Variants in PANK2 observed in about 807,000 individuals in gnomAD.
PANK2 encodes pantothenate kinase 2, mitochondrial.
In PANK2, 36 loss-of-function variants were observed where a neutral mutation model predicts 43.1. The ratio of observed to expected loss-of-function variants is 0.84; its 90% CI spans 0.64 to 1.10. The LOEUF is 1.10. Ranked by LOEUF, PANK2 falls within the 50% of genes least tolerant of loss-of-function variation. PANK2 has a pLI of 0.00. For missense variants in PANK2, 576 were observed against 593.3 expected (o/e 0.97, Z 0.30); for synonymous variants, 281 against 238.2 (o/e 1.18, Z -1.66).
At chr20:3,903,549 C>G (rs1195431296) in intron 1 of PANK2, among the ~76,000 whole-genome samples, 2 of 149,156 alleles carry the variant, frequency 1.3e-5, no homozygotes, top group African/African-American at 5.0e-5. Flanking sequence ...TAACTGTAAC[C>G]TCTGCCTCCT....
In PANK2 at chr20:3,911,006, A is replaced by G. The variant is rs567946404; in HGVS notation, c.905+176A>G. ...TATGACCTAGTTTTCTTTAATCTCTACTGTTCAAGATTTATTATCCTAGGT... is the reference window on the plus strand; with the variant it reads ...TATGACCTAGTTTTCTTTAATCTCTGCTGTTCAAGATTTATTATCCTAGGT... On this transcript the variant is annotated intron_variant, in intron 3 of 6. Coordinates refer to ENST00000610179, the MANE Select transcript of PANK2 (RefSeq NM_001386393.1). Among the ~76,000 whole-genome samples the G allele has an allele frequency of 1.7e-3, 260 of 152,296 alleles. 1 individual carries two copies. Among genetic ancestry groups the G allele is most frequent in the South Asian group, 6.0e-3 (29 of 4,828 alleles).
rs1417433388 is a variant in PANK2 at position 3,912,642 on chromosome 20, G to GGC, written c.1082+9_1082+10dup. On this transcript the variant is annotated intron_variant, in intron 4 of 6. Coordinates refer to ENST00000610179, the MANE Select transcript of PANK2 (RefSeq NM_001386393.1). ...CTGGGCTGTGGCTTCAAGGTAAGGG[G>GGC]GCATGTGTGTTCTAAGAAATACAGG... 6.2e-7 allele frequency: 1 copy of GGC among 1,613,400 alleles called. No individual in the cohort carries two copies. The highest frequency in any genetic ancestry group is 1.3e-5 in the African/African-American group (1 of 74,846).
chr20:3,911,201 G>A (rs1019456457), intron 3 of PANK2, among the ~76,000 whole-genome samples: 2 of 152,214 alleles, frequency 1.3e-5, no homozygotes, highest in African/African-American at 4.8e-5. Flanking sequence ...ACACACATGT[G>A]TGTGTAGAAT....
At chr20:3,888,979 G>T (rs949598036), upstream of PANK2, 64 of 751,820 alleles carry the variant, frequency 8.5e-5, no homozygotes, top group African/African-American at 1.0e-3. Context: ...CTGGGCTGGA[G>T]GAGGGCTCGA....
intron 1 of PANK2, among the ~76,000 whole-genome samples, chr20:3,897,487 GC>G (rs1489276701): frequency 6.6e-6 from 1 of 151,810 alleles, no homozygotes; most frequent in Non-Finnish European, 1.5e-5. Context: ...GATCGCTTGA[GC>G]TTAGGAGTTT....
chr20:3,903,557 C>T (rs910522424), intron 1 of PANK2, among the ~76,000 whole-genome samples: 1 of 149,488 alleles, frequency 6.7e-6, no homozygotes, highest in African/African-American at 2.5e-5. Flanking sequence ...ACCTCTGCCT[C>T]CTGGTTCAAG....
At chr20:3,892,483 C>T (rs1213854810) in intron 1 of PANK2, among the ~76,000 whole-genome samples, 2 of 151,698 alleles carry the variant, frequency 1.3e-5, no homozygotes, top group Non-Finnish European at 2.9e-5. Flanking sequence ...TGGAATGGTG[C>T]CACCTTTCTG....
At chr20:3,920,794 G>A (rs1600577849) in intron 6 of PANK2, among the ~76,000 whole-genome samples, 1 of 152,252 alleles carries the variant, frequency 6.6e-6, no homozygotes, top group South Asian at 2.1e-4. Context: ...GCGGTGAGCC[G>A]AGATCGCACC....
At chr20:3,895,720 T>C (rs2090196727) in intron 1 of PANK2, among the ~76,000 whole-genome samples, 1 of 152,168 alleles carries the variant, frequency 6.6e-6, no homozygotes, top group Non-Finnish European at 1.5e-5. Flanking sequence ...TGAAAACTTT[T>C]CTAAATTGCG....
At chr20:3,915,152 TCTTC>T (rs1275706517) in intron 4 of PANK2, among the ~76,000 whole-genome samples, 1 of 152,220 alleles carries the variant, frequency 6.6e-6, no homozygotes, top group Admixed American at 6.5e-5. Flanking sequence ...ATCTTATCTA[TCTTC>T]TGTCACTTGT....
At chr20:3,889,227 C>T (rs1379744188), upstream of PANK2, 1 of 1,613,260 alleles carries the variant, frequency 6.2e-7, no homozygotes, top group Admixed American at 1.7e-5. Context: ...CCTCTCCCCG[C>T]CCCGTCACGA....
In PANK2 at chr20:3,900,978, C is replaced by T. The variant is rs2090291309; in HGVS notation, c.299-6948C>T. Among the ~76,000 whole-genome samples, 3 of 151,732 alleles carry T rather than the reference C, an allele frequency of 2.0e-5. No homozygotes were observed. The Admixed American group carries it at 2.0e-4, about 10-fold the overall frequency. The stretch of plus-strand genomic sequence containing the variant: ...GAGATGGGGGTTTCACGATGTTGGC[C>T]AGGCTGGTCTCGAACTCATGACCTC... On this transcript the variant is annotated intron_variant, in intron 1 of 6. Transcript: ENST00000610179.
At position 3,899,892 on chromosome 20, in the gene PANK2, A is replaced by G. The variant is rs563427073; in HGVS notation, c.299-8034A>G. On this transcript the variant is annotated intron_variant, in intron 1 of 6. Transcript: ENST00000610179. Reference sequence around the variant, plus strand: ...CCGGCTAATGTTTTGTATTTTTAGTAGAGACGGGGTTTCACCATTCACAGG... The same window carrying G: ...CCGGCTAATGTTTTGTATTTTTAGTGGAGACGGGGTTTCACCATTCACAGG... 1.1e-4 allele frequency among the ~76,000 whole-genome samples: 16 copies of G among 151,466 alleles called. No individual in the cohort carries two copies. In the South Asian group the frequency reaches 3.1e-3, roughly 30 times the overall value.
chr20:3,923,174 T>G (rs950149193), intron 6 of PANK2, 70 bp from the exon 7 acceptor site: 1 of 1,547,270 alleles, frequency 6.5e-7, no homozygotes, highest in African/African-American at 1.4e-5. Context: ...TTAACACTAG[T>G]CATCATGTGT....
At chr20:3,889,933 G>T (rs1379669858) in intron 1 of PANK2, 1 of 1,530,788 alleles carries the variant, frequency 6.5e-7, no homozygotes, top group Non-Finnish European at 8.7e-7. Flanking sequence ...GCACCCATTG[G>T]TATGCACTTC....
At chr20:3,889,995 A>G in intron 1 of PANK2, 2 of 1,372,452 alleles carry the variant, frequency 1.5e-6, no homozygotes, top group South Asian at 1.3e-5. Context: ...CCCTTTTCTT[A>G]GCTCCTTGGG....
At chr20:3,906,485 T>C (rs1457509952) in intron 1 of PANK2, among the ~76,000 whole-genome samples, 1 of 152,114 alleles carries the variant, frequency 6.6e-6, no homozygotes, top group Non-Finnish European at 1.5e-5. Context: ...CTATTGAACA[T>C]CATAGCTTAG....
Position 3,929,461 on chromosome 20 carries a change from T to G in PANK2, c.*6167T>G, listed in dbSNP as rs1000818254. 5 of 152,230 alleles carry G rather than the reference T, an allele frequency of 3.3e-5. No individual in the cohort carries two copies. In the South Asian group the frequency reaches 1.0e-3, roughly 32 times the overall value. 9.4% of individuals were successfully genotyped at this position (152,230 alleles called of 1,614,324 possible). The stretch of plus-strand genomic sequence containing the variant: ...AACTGACGCTGGACATTCAGGCATA[T>G]CCACATGAGACTCACTGTGCACTTG... On this transcript the variant is annotated 3_prime_UTR_variant, in exon 7 of 7. Transcript: ENST00000610179.
Position 3,912,540 on chromosome 20 carries a change from C to G in PANK2, c.988C>G (p.Arg330Gly). The G allele has an allele frequency of 6.2e-7, 1 of 1,614,054 alleles. No individual in the cohort carries two copies. The highest frequency in any genetic ancestry group is 8.5e-7 in the Non-Finnish European group (1 of 1,180,028). Reference sequence around the variant, plus strand: ...TGAAGAAGCTCTTGAAATGGCATCTCGTGGAGATAGCACCAAAGTGGATAA... The same window carrying G: ...TGAAGAAGCTCTTGAAATGGCATCTGGTGGAGATAGCACCAAAGTGGATAA... Residue 330 changes from arginine to glycine, a missense_variant, in exon 4 of 7, where the codon CGT becomes GGT. Transcript: ENST00000610179.
Sources: allele counts gnomAD v4.1 joint callset (sites outside exome capture counted in the v4.1 genomes callset), GRCh38; gene constraint gnomAD v4.1.1; transcripts MANE v1.5; gene names NCBI Gene and HGNC (gene_info 2026-07-23, HGNC 2026-07-21).